Variants in COMMD10 observed in about 807,000 individuals in gnomAD.
The protein encoded by COMMD10 is COMM domain-containing protein 10.
COMMD10 carries 33 observed loss-of-function variants against 28.9 expected under a neutral mutation model. The observed-to-expected ratio is 1.14, with a 90% CI of 0.87 to 1.53. COMMD10 has a LOEUF of 1.53. COMMD10 is among the 40% of genes most tolerant of loss of function. COMMD10 has a pLI of 0.00. For synonymous variants in COMMD10, 110 were observed against 81.7 expected, an observed-to-expected ratio of 1.35 and a Z score of -1.87; for missense variants, 310 against 233.4, an observed-to-expected ratio of 1.33 and a Z score of -2.14.
chr5:116,238,591 A>G (rs1330637923), intron 5 of COMMD10, among the ~76,000 whole-genome samples: 3 of 152,216 alleles, frequency 2.0e-5, no homozygotes, highest in African/African-American at 7.2e-5. Flanking sequence ...GTATACTTCA[A>G]CATTTTACAA....
chr5:116,289,404 CCTT>C (rs1319093237), intron 5 of COMMD10, among the ~76,000 whole-genome samples: 1 of 151,812 alleles, frequency 6.6e-6, no homozygotes, highest in Non-Finnish European at 1.5e-5. Flanking sequence ...CAGGGGAAGA[CCTT>C]CACTAATACC....
At chr5:116,148,995 T>TC (rs1252616216) in intron 5 of COMMD10, among the ~76,000 whole-genome samples, 1 of 85,666 alleles carries the variant, frequency 1.2e-5, no homozygotes, top group African/African-American at 4.6e-5. Flanking sequence ...AAGCTATCCC[T>TC]CCCCCCTCCC....
chr5:116,164,759 T>C (rs1311149363), intron 5 of COMMD10, among the ~76,000 whole-genome samples: 1 of 152,074 alleles, frequency 6.6e-6, no homozygotes, highest in Non-Finnish European at 1.5e-5. Context: ...AAGAGTTAGT[T>C]GCAAAATTTT....
intron 5 of COMMD10, among the ~76,000 whole-genome samples, chr5:116,134,623 AATTT>A (rs1751971454): frequency 6.6e-6 from 1 of 151,988 alleles, no homozygotes; most frequent in Admixed American, 6.6e-5. Context: ...TGAGAAATAC[AATTT>A]ATTTATTTTT....
At chr5:116,115,048 G>A (rs1372073913) in intron 4 of COMMD10, among the ~76,000 whole-genome samples, 1 of 152,090 alleles carries the variant, frequency 6.6e-6, no homozygotes, top group Non-Finnish European at 1.5e-5. Context: ...TGATACTTAG[G>A]ACTGGTGCTA....
intron 4 of COMMD10, among the ~76,000 whole-genome samples, chr5:116,128,651 T>C (rs998326116): frequency 6.6e-6 from 1 of 152,030 alleles, no homozygotes; most frequent in Non-Finnish European, 1.5e-5. Context: ...TTTTTCATCT[T>C]TGTATAGTAA....
chr5:116,146,258 C>T (rs1205468017), intron 5 of COMMD10, among the ~76,000 whole-genome samples: 4 of 151,802 alleles, frequency 2.6e-5, no homozygotes, highest in African/African-American at 7.2e-5. Context: ...AGTGGCTACT[C>T]GTTGATCTCT....
At chr5:116,111,042 G>A (rs1298151747) in intron 4 of COMMD10, among the ~76,000 whole-genome samples, 2 of 152,130 alleles carry the variant, frequency 1.3e-5, no homozygotes, top group East Asian at 3.9e-4. Flanking sequence ...CCTATTTTCT[G>A]CAAGTTTTCT....
intron 5 of COMMD10, among the ~76,000 whole-genome samples, chr5:116,189,374 C>A (rs72804876): frequency 0.011 from 1,682 of 152,244 alleles, 23 homozygotes; most frequent in South Asian, 0.028. Flanking sequence ...GATACTGGTA[C>A]CAGCAGTGGT....
At chr5:116,238,741 G>T (rs1326495695) in intron 5 of COMMD10, among the ~76,000 whole-genome samples, 3 of 152,144 alleles carry the variant, frequency 2.0e-5, no homozygotes, top group African/African-American at 7.2e-5. Context: ...CTTATATGGG[G>T]TAAACACCCA....
chr5:116,192,308 AC>A (rs1748392881), intron 5 of COMMD10, among the ~76,000 whole-genome samples: 1 of 146,528 alleles, frequency 6.8e-6, no homozygotes, highest in Non-Finnish European at 1.5e-5. Context: ...GTGGATCCAA[AC>A]CAAGAAGAAA....
At chr5:116,205,896 A>T (rs1184324429) in intron 5 of COMMD10, among the ~76,000 whole-genome samples, 1 of 152,076 alleles carries the variant, frequency 6.6e-6, no homozygotes, top group Admixed American at 6.6e-5. Context: ...CATTATTCTC[A>T]GGGTTTCTTA....
intron 5 of COMMD10, among the ~76,000 whole-genome samples, chr5:116,201,529 C>T (rs1748666232): frequency 6.6e-6 from 1 of 152,156 alleles, no homozygotes; most frequent in Admixed American, 6.6e-5. Context: ...TCTGTATTTA[C>T]ATCTGTCTCT....
rs531527890 is a variant in COMMD10 at position 116,131,579 on chromosome 5, T to C, written c.400-2489T>C. On this transcript the variant is annotated intron_variant, in intron 4 of 6. Coordinates refer to ENST00000274458, the MANE Select transcript of COMMD10 (RefSeq NM_016144.4). ...ATACTTCTCCTTGAAAGTTTGTATA[T>C]GTTATGTGATTGATCACTTGTCTGA... is the stretch of plus-strand genomic sequence containing the variant. Among the ~76,000 whole-genome samples the C allele has an allele frequency of 1.4e-4, 22 of 152,162 alleles. No homozygotes were observed. The South Asian group carries it at 4.3e-3, about 30-fold the overall frequency.
At position 116,226,332 on chromosome 5, in the gene COMMD10, A is replaced by G. The variant is rs572131696; in HGVS notation, c.511-65185A>G. Among the ~76,000 whole-genome samples the G allele has an allele frequency of 2.1e-4, 32 of 152,116 alleles. No homozygotes were observed. The South Asian group carries it at 3.5e-3, about 17-fold the overall frequency. On this transcript the variant is annotated intron_variant, in intron 5 of 6. Coordinates refer to ENST00000274458, the MANE Select transcript of COMMD10 (RefSeq NM_016144.4). ...TAAAACAAGGGCTTCTAAACATTCA[A>G]TGAAATTCAAATGATGTTTTAGACA...
intron 5 of COMMD10, among the ~76,000 whole-genome samples, chr5:116,219,949 G>C (rs978163453): frequency 6.6e-6 from 1 of 151,962 alleles, no homozygotes; most frequent in African/African-American, 2.4e-5. Flanking sequence ...TTTTATTAAG[G>C]AATTAAATAG....
intron 5 of COMMD10, among the ~76,000 whole-genome samples, chr5:116,138,093 AT>A (rs1752083324): frequency 6.6e-6 from 1 of 151,928 alleles, no homozygotes; most frequent in African/African-American, 2.4e-5. Flanking sequence ...AAGTGTTTAC[AT>A]TTCAAATCTT....
chr5:116,251,403 TC>T (rs1462431043), intron 5 of COMMD10, among the ~76,000 whole-genome samples: 1 of 146,124 alleles, frequency 6.8e-6, no homozygotes, highest in African/African-American at 2.5e-5. Context: ...TAACTCGTCA[TC>T]TAGCATTAGG....
intron 5 of COMMD10, among the ~76,000 whole-genome samples, chr5:116,240,344 G>A (rs1749779375): frequency 6.6e-6 from 1 of 152,020 alleles, no homozygotes; most frequent in African/African-American, 2.4e-5. Flanking sequence ...AGGAAAGAAG[G>A]GAGAATACAG....
Sources: gnomAD v4.1 joint callset for allele counts (sites outside exome capture counted in the v4.1 genomes callset) on GRCh38, gnomAD v4.1.1 for gene constraint, MANE v1.5 for transcripts, NCBI Gene and HGNC (gene_info 2026-07-23, HGNC 2026-07-21) for gene names.